Variants in SLC25A26 observed in about 807,000 individuals in gnomAD.
SLC25A26 encodes solute carrier family 25 member 26, also known as mitochondrial S-adenosylmethionine carrier protein.
A neutral mutation model predicts 37.8 loss-of-function variants in SLC25A26; 36 were observed. The observed-to-expected ratio is 0.95, with a 90% CI of 0.73 to 1.26. The LOEUF is 1.26. SLC25A26 is among the 50% of genes most tolerant of loss of function. SLC25A26 has a pLI of 0.00. For missense variants in SLC25A26, 390 were observed against 331.1 expected (o/e 1.18, Z -1.38); for synonymous variants, 129 against 122.5 (o/e 1.05, Z -0.35).
At chr3:66,213,202 C>T (rs1307318151) in intron 1 of SLC25A26, among the ~76,000 whole-genome samples, 1 of 151,898 alleles carries the variant, frequency 6.6e-6, no homozygotes, top group East Asian at 1.9e-4. Context: ...GAGTTCAAGA[C>T]CAGCTTGGCC....
intron 5 of SLC25A26, among the ~76,000 whole-genome samples, chr3:66,269,665 C>A (rs1347592822): frequency 6.6e-6 from 1 of 152,128 alleles, no homozygotes; most frequent in African/African-American, 2.4e-5. Context: ...TCTGTTGCAT[C>A]TTTACTGTCC....
intron 2 of SLC25A26, among the ~76,000 whole-genome samples, chr3:66,238,201 C>T (rs1014563794): frequency 9.2e-5 from 14 of 152,100 alleles, no homozygotes; most frequent in African/African-American, 3.4e-4. Context: ...GACCCTCGAA[C>T]AATTTGGCAG....
At chr3:66,352,452 TTG>T (rs2076480039) in intron 6 of SLC25A26, among the ~76,000 whole-genome samples, 1 of 151,594 alleles carries the variant, frequency 6.6e-6, no homozygotes, top group African/African-American at 2.4e-5. Context: ...GTTTTTTTTT[TTG>T]AGATGTACCA....
intron 1 of SLC25A26, among the ~76,000 whole-genome samples, chr3:66,143,802 G>A (rs540655023): frequency 6.6e-6 from 1 of 152,124 alleles, no homozygotes; most frequent in Non-Finnish European, 1.5e-5. Flanking sequence ...GGTTGCTTGA[G>A]CTTGGGAGGC....
Position 66,194,128 on chromosome 3 carries a change from T to C in SLC25A26, c.-353-26614T>C, listed in dbSNP as rs1030571694. 1.2e-4 allele frequency among the ~76,000 whole-genome samples: 19 copies of C among 152,362 alleles called. No individual in the cohort carries two copies. The East Asian group carries it at 3.3e-3, about 26-fold the overall frequency. The stretch of plus-strand genomic sequence containing the variant: ...CTTATCTGCCAGTGACACATCCTGA[T>C]AAACTGCCAAGGTGGGCTCATGGAC... On this transcript the variant is annotated intron_variant, in intron 1 of 10. Transcript: ENST00000676754.
intron 1 of SLC25A26, among the ~76,000 whole-genome samples, chr3:66,176,996 A>G (rs1164504341): frequency 6.6e-6 from 1 of 152,176 alleles, no homozygotes; most frequent in Admixed American, 6.5e-5. Context: ...CTATAGAGTA[A>G]AGTCTCCCTC....
At chr3:66,230,796 ACT>A (rs2071981130) in intron 1 of SLC25A26, among the ~76,000 whole-genome samples, 1 of 112,054 alleles carries the variant, frequency 8.9e-6, no homozygotes, top group Non-Finnish European at 1.9e-5. Context: ...CAAGAGCAAA[ACT>A]CTGTCTCAAA....
intron 5 of SLC25A26, among the ~76,000 whole-genome samples, chr3:66,311,835 A>C (rs920689789): frequency 6.6e-6 from 1 of 152,132 alleles, no homozygotes; most frequent in African/African-American, 2.4e-5. Context: ...CAGAACAGCA[A>C]AGCTTGCTGC....
At chr3:66,371,376 AAT>A in intron 9 of SLC25A26, 1 of 1,529,830 alleles carries the variant, frequency 6.5e-7, no homozygotes, top group South Asian at 1.2e-5. Context: ...TGGCAGTTTT[AAT>A]CTCAGCTATT....
intron 6 of SLC25A26, among the ~76,000 whole-genome samples, chr3:66,360,018 C>G (rs2076662673): frequency 6.6e-6 from 1 of 152,192 alleles, no homozygotes; most frequent in Non-Finnish European, 1.5e-5. Context: ...CACGCTGTCA[C>G]ATATTTAATT....
At chr3:66,317,356 C>A (rs1384680734) in intron 5 of SLC25A26, among the ~76,000 whole-genome samples, 1 of 152,054 alleles carries the variant, frequency 6.6e-6, no homozygotes, top group Non-Finnish European at 1.5e-5. Flanking sequence ...GCAGTCAGGC[C>A]CCTCTTCTGT....
At chr3:66,212,811 C>T (rs1359877916) in intron 1 of SLC25A26, among the ~76,000 whole-genome samples, 7 of 152,122 alleles carry the variant, frequency 4.6e-5, no homozygotes, top group African/African-American at 1.7e-4. Flanking sequence ...TAGCATGTGC[C>T]AGGATCTTCT....
At chr3:66,152,215 T>G (rs1349318596) in intron 1 of SLC25A26, among the ~76,000 whole-genome samples, 1 of 152,192 alleles carries the variant, frequency 6.6e-6, no homozygotes, top group African/African-American at 2.4e-5. Context: ...CCTGAGATTC[T>G]TCATTTTAAA....
intron 5 of SLC25A26, among the ~76,000 whole-genome samples, chr3:66,304,281 A>G (rs2075155662): frequency 6.6e-6 from 1 of 152,200 alleles, no homozygotes; most frequent in Non-Finnish European, 1.5e-5. Flanking sequence ...CAGGGCGGGT[A>G]CATCAGGGAG....
intron 5 of SLC25A26, among the ~76,000 whole-genome samples, chr3:66,271,470 A>C (rs1438207362): frequency 6.6e-6 from 1 of 152,138 alleles, no homozygotes; most frequent in African/African-American, 2.4e-5. Context: ...CAGAACTATG[A>C]AGAAGGGGAA....
chr3:66,247,285 AC>A (rs2072893647), intron 3 of SLC25A26, among the ~76,000 whole-genome samples: 1 of 152,032 alleles, frequency 6.6e-6, no homozygotes, highest in South Asian at 2.1e-4. Flanking sequence ...ATATATGCAC[AC>A]ACACACACAA....
intron 9 of SLC25A26, among the ~76,000 whole-genome samples, chr3:66,373,152 C>T (rs1197858903): frequency 6.6e-6 from 1 of 152,188 alleles, no homozygotes. Flanking sequence ...CTTCACTCAT[C>T]AGCTGGCTTT....
At chr3:66,301,376 T>G (rs1364534186) in intron 5 of SLC25A26, among the ~76,000 whole-genome samples, 1 of 152,228 alleles carries the variant, frequency 6.6e-6, no homozygotes, top group Non-Finnish European at 1.5e-5. Context: ...GTTCATGCCT[T>G]GCATCTTTGA....
At chr3:66,208,289 C>T (rs959377519) in intron 1 of SLC25A26, among the ~76,000 whole-genome samples, 1 of 151,956 alleles carries the variant, frequency 6.6e-6, no homozygotes, top group Non-Finnish European at 1.5e-5. Flanking sequence ...CAATTTATTG[C>T]CAACTGGATC....
Sources: gnomAD v4.1 joint callset for allele counts (sites outside exome capture counted in the v4.1 genomes callset) on GRCh38, gnomAD v4.1.1 for gene constraint, MANE v1.5 for transcripts, NCBI Gene and HGNC (gene_info 2026-07-23, HGNC 2026-07-21) for gene names.